The following SIK3 variants were observed in gnomAD, a reference collection of about 807,000 sequenced individuals.
The protein encoded by SIK3 is serine/threonine-protein kinase SIK3.
SIK3 carries 28 observed loss-of-function variants against 144.2 expected under a neutral mutation model. The ratio of observed to expected loss-of-function variants is 0.19; its 90% confidence interval spans 0.14 to 0.27. The LOEUF is 0.27. Ranked by LOEUF, SIK3 falls within the 10% of genes least tolerant of loss-of-function variation. The probability of loss-of-function intolerance (pLI) is 1.00; values close to 1 mark genes in which losing one functional copy is unlikely to be tolerated. For synonymous variants in SIK3, 686 were observed against 676.3 expected (o/e 1.01, Z -0.22); for missense variants, 1,319 against 1,776.0 (o/e 0.74, Z 4.62).
chr11:117,048,485 C>T (rs941322765), intron 1 of SIK3, among the ~76,000 whole-genome samples: 2 of 151,912 alleles, frequency 1.3e-5, no homozygotes, highest in African/African-American at 4.8e-5. Flanking sequence ...GGAGAAACCC[C>T]ATCTCTGCTA....
At chr11:117,019,138 G>A (rs1357105868) in intron 1 of SIK3, among the ~76,000 whole-genome samples, 8 of 151,866 alleles carry the variant, frequency 5.3e-5, no homozygotes, top group Non-Finnish European at 1.0e-4. Context: ...TCCTGCCTCA[G>A]CCTCCCAAGT....
intron 6 of SIK3, among the ~76,000 whole-genome samples, chr11:116,892,778 G>A (rs1216071483): frequency 1.3e-5 from 2 of 152,202 alleles, no homozygotes; most frequent in East Asian, 3.8e-4. Context: ...AGATGTTACA[G>A]TAGCTTTATT....
In SIK3 at chr11:116,844,647, T is replaced by TTA. The variant is rs1409435191; in HGVS notation, c.*994_*995dup. On this transcript the variant is annotated 3_prime_UTR_variant, in exon 25 of 25. Transcript: ENST00000445177. ...TATATATAATATATTATATTATATA[T>TTA]TATATATATAATATATATATACACA... 9.1e-6 allele frequency: 1 copy of TTA among 109,524 alleles called. No homozygotes were observed. The highest frequency in any genetic ancestry group is 3.5e-5 in the African/African-American group (1 of 28,306). The allele number at this position is 109,524 out of a possible 1,614,324, so 6.8% of individuals were successfully genotyped here.
rs1454589310 is a variant in SIK3, at chr11:117,013,903, GGGGGGGGGGAGGGTGTGTGT to G, written c.274-56859_274-56840del. Among the ~76,000 whole-genome samples the G allele has an allele frequency of 4.2e-3, 222 of 52,836 alleles. 11 individuals carry two copies. The highest frequency in any genetic ancestry group is 0.012 in the African/African-American group (208 of 16,896). 34.7% of individuals were successfully genotyped at this position (52,836 alleles called of 152,430 possible). A position where few individuals can be genotyped will look rare whatever the true frequency, so the allele number is the denominator to read the frequency against. ...GATATAAGTCTCCAGATTCTGAGGG[GGGGGGGGGGAGGGTGTGTGT>G]GTGTGTGTGTGTGTGTGTGTGTGTG... On this transcript the variant is annotated intron_variant, in intron 1 of 24. Transcript: ENST00000445177.
At chr11:117,086,229 G>A (rs1345738086) in intron 1 of SIK3, among the ~76,000 whole-genome samples, 1 of 152,138 alleles carries the variant, frequency 6.6e-6, no homozygotes, top group Admixed American at 6.5e-5. Context: ...AATGCACACA[G>A]CAAATTTAAA....
intron 22 of SIK3, 50 bp from the exon 23 acceptor site, chr11:116,847,658 A>G: frequency 6.2e-7 from 1 of 1,610,118 alleles, no homozygotes; most frequent in Admixed American, 1.7e-5. Context: ...CACCACTCTC[A>G]GGCAACCCCT....
intron 1 of SIK3, among the ~76,000 whole-genome samples, chr11:117,007,694 G>C (rs1481086920): frequency 6.6e-6 from 1 of 152,156 alleles, no homozygotes; most frequent in African/African-American, 2.4e-5. Context: ...TTTAGATTTA[G>C]ATAATTTTTT....
intron 1 of SIK3, among the ~76,000 whole-genome samples, chr11:116,997,959 AAGCAATCCTCCTGACTC>A (rs1241392146): frequency 8.5e-5 from 13 of 152,246 alleles, no homozygotes; most frequent in African/African-American, 3.1e-4. Context: ...TCCTGGGCTC[AAGCAATCCTCCTGACTC>A]AGCCTCCCAA....
chr11:117,072,828 C>T (rs7109649), intron 1 of SIK3, among the ~76,000 whole-genome samples: 59,748 of 152,044 alleles, frequency 0.39, 14,895 homozygotes, highest in African/African-American at 0.72. Flanking sequence ...ACAATGGTGG[C>T]TGAAAGTAGA....
intron 1 of SIK3, among the ~76,000 whole-genome samples, chr11:117,061,156 A>G (rs1953773785): frequency 6.6e-6 from 1 of 152,172 alleles, no homozygotes; most frequent in South Asian, 2.1e-4. Context: ...CTGAGGCAGG[A>G]AGATGGCTTG....
At chr11:116,990,469 T>A (rs893229054) in intron 1 of SIK3, among the ~76,000 whole-genome samples, 4 of 152,102 alleles carry the variant, frequency 2.6e-5, no homozygotes, top group African/African-American at 9.7e-5. Context: ...AAGCAACAAA[T>A]CTGAACTCAG....
chr11:116,916,476 T>C (rs17120152), intron 4 of SIK3, among the ~76,000 whole-genome samples: 12,701 of 152,042 alleles, frequency 0.084, 1,012 homozygotes, highest in African/African-American at 0.21. Context: ...CTTTTTGACA[T>C]TGCTTTAATT....
intron 4 of SIK3, among the ~76,000 whole-genome samples, chr11:116,909,078 T>C (rs1470269180): frequency 1.3e-5 from 2 of 152,178 alleles, no homozygotes; most frequent in African/African-American, 2.4e-5. Flanking sequence ...TGGAATACTA[T>C]ATAGAAATAA....
Position 117,098,234 on chromosome 11 carries a change from G to A in SIK3, c.182C>T (p.Ala61Val). The change falls in exon 1 of 25, where the codon GCC (alanine) becomes GTC (valine). Residue 61 changes from alanine to valine, a missense_variant. Physicochemically the swap from Ala to Val is moderately conservative, Grantham distance 64. Coordinates refer to ENST00000445177, the MANE Select transcript of SIK3 (RefSeq NM_001366686.3). ...PAPASRGPMP[A>V]RIGYYEIDRT... ...GTCGATCTCGTAGTAGCCGATACGG[G>A]CGGGCATGGGTCCGCGGGAGGCCGG... The A allele has an allele frequency of 1.3e-6, 2 of 1,492,054 alleles. No homozygotes were observed. The highest frequency in any genetic ancestry group is 1.8e-6 in the Non-Finnish European group (2 of 1,119,526). The allele number at this position is 1,492,054 out of a possible 1,614,324, so 92.4% of individuals were successfully genotyped here. A position where few individuals can be genotyped will look rare whatever the true frequency, so the allele number is the denominator to read the frequency against.
chr11:116,879,303 C>A (rs1255812363), intron 6 of SIK3, among the ~76,000 whole-genome samples: 4 of 152,316 alleles, frequency 2.6e-5, no homozygotes, highest in African/African-American at 9.6e-5. Context: ...TTACAAAAAA[C>A]TACTTTTGAT....
chr11:116,956,857 G>T (rs918464980), intron 2 of SIK3, 91 bp downstream of exon 2: 32 of 718,124 alleles, frequency 4.5e-5, no homozygotes, highest in Non-Finnish European at 6.8e-5. Flanking sequence ...AAAAGTCACA[G>T]ATGTTCACCC....
At chr11:116,847,433 T>C in intron 23 of SIK3, 43 bp downstream of exon 23, 1 of 1,612,680 alleles carries the variant, frequency 6.2e-7, no homozygotes. Context: ...GGGAGGCCCC[T>C]CCAGGAACTT....
At chr11:116,852,518 C>T (rs550609599) in intron 21 of SIK3, among the ~76,000 whole-genome samples, 3 of 152,278 alleles carry the variant, frequency 2.0e-5, no homozygotes, top group East Asian at 1.9e-4. Flanking sequence ...AGCAGGAGCT[C>T]GGGCAAGTTA....
At chr11:117,084,351 G>A (rs936733246) in intron 1 of SIK3, among the ~76,000 whole-genome samples, 20 of 152,048 alleles carry the variant, frequency 1.3e-4, no homozygotes, top group Non-Finnish European at 2.9e-4. Context: ...TGCAACCTCT[G>A]CCTCCCAGGT....
Sources: gnomAD v4.1 joint callset for allele counts (sites outside exome capture counted in the v4.1 genomes callset) on GRCh38, gnomAD v4.1.1 for gene constraint, MANE v1.5 for transcripts, NCBI Gene and HGNC (gene_info 2026-07-23, HGNC 2026-07-21) for gene names.